Variants in SFMBT2 observed in about 807,000 individuals in gnomAD.
The protein encoded by SFMBT2 is scm-like with four MBT domains protein 2.
Under a neutral mutation model 110.1 loss-of-function variants are expected in SFMBT2, and 38 were observed. The ratio of observed to expected loss-of-function variants is 0.35; its 90% CI spans 0.27 to 0.45. SFMBT2 has a LOEUF of 0.45. Ranked by LOEUF, SFMBT2 falls within the 20% of genes least tolerant of loss-of-function variation. The pLI is 1.00. For missense variants in SFMBT2, 1,011 were observed against 1,094.9 expected (o/e 0.92, Z 1.08); for synonymous variants, 425 against 425.4 (o/e 1.00, Z 0.01).
At chr10:7,392,603 T>C (rs538947486) in intron 1 of SFMBT2, among the ~76,000 whole-genome samples, 2 of 152,344 alleles carry the variant, frequency 1.3e-5, no homozygotes, top group South Asian at 4.1e-4. Flanking sequence ...TTAAACTACG[T>C]TGGTATCTGT....
chr10:7,216,547 G>T (rs2131639049), intron 11 of SFMBT2, among the ~76,000 whole-genome samples: 1 of 152,312 alleles, frequency 6.6e-6, no homozygotes, highest in East Asian at 1.9e-4. Flanking sequence ...TTCATCAGCA[G>T]CATGAAAGTG....
intron 7 of SFMBT2, among the ~76,000 whole-genome samples, chr10:7,261,353 C>T (rs1407508888): frequency 6.6e-6 from 1 of 152,176 alleles, no homozygotes; most frequent in African/African-American, 2.4e-5. Flanking sequence ...AGGTGAGTGG[C>T]TTATCACACA....
At chr10:7,288,347 A>G (rs972055557) in intron 4 of SFMBT2, among the ~76,000 whole-genome samples, 6 of 152,242 alleles carry the variant, frequency 3.9e-5, no homozygotes, top group African/African-American at 1.4e-4. Flanking sequence ...AATAAAGAAT[A>G]ACTCATCTGT....
intron 7 of SFMBT2, chr10:7,249,116 T>A (rs1840716335): frequency 1.0e-6 from 1 of 969,360 alleles, no homozygotes; most frequent in African/African-American, 1.8e-5. Flanking sequence ...TTACTAGAAG[T>A]AAGCTGGCAC....
chr10:7,172,391 T>A lies in SFMBT2; in HGVS notation c.2151+104A>T. 6.4e-7 allele frequency: 1 copy of A among 1,570,264 alleles called. No homozygotes were observed. The highest frequency in any genetic ancestry group is 1.2e-5 in the South Asian group (1 of 86,072). On this transcript the variant is annotated intron_variant, in intron 18 of 20. Coordinates refer to ENST00000397167, the MANE Select transcript of SFMBT2 (RefSeq NM_001387889.1). This position sits in a 1 kb window ranked among gnomAD's most constrained non-coding sequence, Gnocchi z 4.6. ...CTCTTCTTCAGTGTTTCTGACCATC[T>A]TGCCACAATCTCCAGGGCCACCTCT...
chr10:7,191,581 G>A (rs1838603057), intron 15 of SFMBT2, among the ~76,000 whole-genome samples: 1 of 152,202 alleles, frequency 6.6e-6, no homozygotes, highest in Non-Finnish European at 1.5e-5. Flanking sequence ...AGGTCTCTGC[G>A]AGTATCCTCT....
intron 15 of SFMBT2, among the ~76,000 whole-genome samples, chr10:7,191,548 TTACTCC>T (rs1838602056): frequency 6.6e-6 from 1 of 152,244 alleles, no homozygotes; most frequent in Non-Finnish European, 1.5e-5. Flanking sequence ...ATCCGGGTCT[TTACTCC>T]AAAGTCCGTA....
chr10:7,288,853 AC>A (rs55956728), intron 4 of SFMBT2, among the ~76,000 whole-genome samples: 66,822 of 137,826 alleles, frequency 0.48, 15,145 homozygotes, highest in East Asian at 0.74. Flanking sequence ...ATATGGTGAA[AC>A]CCCCCCCCCC....
chr10:7,276,493 A>G (rs1035335002), intron 7 of SFMBT2, among the ~76,000 whole-genome samples: 1 of 91,606 alleles, frequency 1.1e-5, no homozygotes, highest in African/African-American at 5.5e-5. Context: ...ACTGGTTAAG[A>G]AGGTGCCTTT....
intron 10 of SFMBT2, among the ~76,000 whole-genome samples, chr10:7,226,143 T>C (rs1038697719): frequency 3.9e-5 from 6 of 152,354 alleles, no homozygotes; most frequent in Middle Eastern, 3.4e-3. Context: ...ACAAATTCTA[T>C]GTGTAAATTC....
chr10:7,342,394 G>GTTTTTTTTT (rs1411169372), intron 4 of SFMBT2, among the ~76,000 whole-genome samples: 16 of 90,924 alleles, frequency 1.8e-4, no homozygotes, highest in Non-Finnish European at 3.2e-4. Flanking sequence ...ACTGGAGTGA[G>GTTTTTTTTT]TCTTTTTTTT....
At chr10:7,186,425 T>TACACACACACACACACACACAC (rs780362808) in intron 16 of SFMBT2, among the ~76,000 whole-genome samples, 1 of 109,394 alleles carries the variant, frequency 9.1e-6, no homozygotes, top group African/African-American at 3.6e-5. Flanking sequence ...ATACTATATA[T>TACACACACACACACACACACAC]ACACACACAC....
chr10:7,407,620 C>G (rs1846255474), intron 1 of SFMBT2, among the ~76,000 whole-genome samples: 1 of 152,282 alleles, frequency 6.6e-6, no homozygotes, highest in African/African-American at 2.4e-5. Flanking sequence ...AGAAGTCGGG[C>G]GGCCGATCGT....
At chr10:7,346,946 T>G (rs551716176) in intron 4 of SFMBT2, among the ~76,000 whole-genome samples, 4 of 152,168 alleles carry the variant, frequency 2.6e-5, no homozygotes, top group African/African-American at 9.6e-5. Context: ...GCCGAGATTG[T>G]GCCACTGCGC....
At chr10:7,221,173 C>T (rs1839721875) in intron 10 of SFMBT2, among the ~76,000 whole-genome samples, 1 of 152,128 alleles carries the variant, frequency 6.6e-6, no homozygotes, top group South Asian at 2.1e-4. Flanking sequence ...ATTTCCTCCA[C>T]CTTCCTATAC....
chr10:7,359,251 C>T (rs1053397552), intron 4 of SFMBT2, among the ~76,000 whole-genome samples: 16 of 152,198 alleles, frequency 1.1e-4, no homozygotes, highest in African/African-American at 3.6e-4. Flanking sequence ...AGAGCAGGAA[C>T]GGGGCCAGAT....
At chr10:7,276,826 G>A (rs113915093) in intron 7 of SFMBT2, 66 bp downstream of exon 7, 46 of 809,012 alleles carry the variant, frequency 5.7e-5, no homozygotes, top group African/African-American at 3.2e-4. Context: ...GCGCCCGGCC[G>A]GAAAACTTTG....
intron 1 of SFMBT2, among the ~76,000 whole-genome samples, chr10:7,407,217 C>T (rs1186088962): frequency 6.6e-6 from 1 of 151,368 alleles, no homozygotes; most frequent in Admixed American, 6.6e-5. Flanking sequence ...TCCCCTCCCC[C>T]ACCCCACTTA....
chr10:7,182,645 C>T (rs918190601), intron 16 of SFMBT2, among the ~76,000 whole-genome samples: 4 of 143,222 alleles, frequency 2.8e-5, no homozygotes, highest in Non-Finnish European at 6.0e-5. Flanking sequence ...CATGTTCTCA[C>T]TCATAGGTGG....
Sources: gnomAD v4.1 joint callset for allele counts (sites outside exome capture counted in the v4.1 genomes callset) on GRCh38, gnomAD v4.1.1 for gene constraint, Gnocchi (gnomAD v3.1) non-coding constraint, MANE v1.5 for transcripts, NCBI Gene and HGNC (gene_info 2026-07-23, HGNC 2026-07-21) for gene names.